CPLANE1: variants seen among roughly 807,000 people sequenced by gnomAD.
The protein encoded by CPLANE1 is ciliogenesis and planar polarity effector complex subunit 1, also known as ciliogenesis and planar polarity effector 1.
CPLANE1 carries 263 observed loss-of-function variants against 362.5 expected under a neutral mutation model. That is an observed-to-expected ratio of 0.73 (90% CI 0.66 to 0.80). The LOEUF (loss-of-function observed/expected upper bound fraction) is 0.80, where lower values mean the gene tolerates loss of function less well. Ranked by LOEUF, CPLANE1 falls within the 30% of genes least tolerant of loss-of-function variation. The pLI, the probability that CPLANE1 is intolerant of heterozygous loss-of-function variation, is 0.00. For missense variants in CPLANE1, 3,461 were observed against 3,793.4 expected, an observed-to-expected ratio of 0.91 and a Z score of 2.30; for synonymous variants, 1,212 against 1,302.6, an observed-to-expected ratio of 0.93 and a Z score of 1.50.
intron 16 of CPLANE1, chr5:37,210,158 G>T (rs1444443792): frequency 1.7e-6 from 2 of 1,150,576 alleles, no homozygotes; most frequent in Non-Finnish European, 2.6e-6. Context: ...TTCGGGAAAA[G>T]AGCACCCTTG....
Position 37,176,329 on chromosome 5 carries a change from A to G in CPLANE1, c.5901-343T>C, listed in dbSNP as rs1781143907. Among the ~76,000 whole-genome samples, 4 of 152,096 alleles carry G rather than the reference A, an allele frequency of 2.6e-5. 1 individual carries two copies. Among genetic ancestry groups the G allele is most frequent in the Admixed American group, 2.6e-4 (4 of 15,266 alleles). ...CACTATGCTCAGAACCCTAGAGCCC[A>G]TTGTCACATTTGAAACTGTAAAGAG... is the stretch of plus-strand genomic sequence containing the variant. On this transcript the variant is annotated intron_variant, in intron 30 of 52. Coordinates refer to ENST00000651892, the MANE Select transcript of CPLANE1 (RefSeq NM_001384732.1).
the CPLANE1 span, among the ~76,000 whole-genome samples, chr5:37,083,042 C>A: frequency 6.6e-6 from 1 of 152,176 alleles, no homozygotes; most frequent in East Asian, 1.9e-4. Flanking sequence ...ACCCAGGAGA[C>A]ACCCCAAATA....
chr5:37,125,356 T>C lies in CPLANE1; in HGVS notation c.8846A>G (p.Glu2949Gly). The change falls in exon 47 of 53, where the codon GAG becomes GGG. Residue 2949 changes from glutamate to glycine, a missense_variant. Transcript: ENST00000651892. ...TTTTCTTTTCATCCAGGCTTGAATC[T>C]CTCTTCTTTCCTTGTCAGTTCTTTG... ...HSQRTDKERR[E>G]IQAWMKRKRK... 6.2e-7 allele frequency: 1 copy of C among 1,613,916 alleles called. No homozygotes were observed. The highest frequency in any genetic ancestry group is 1.3e-5 in the African/African-American group (1 of 75,040).
the CPLANE1 span, among the ~76,000 whole-genome samples, chr5:37,087,601 C>T: frequency 2.6e-5 from 4 of 152,172 alleles, no homozygotes; most frequent in Non-Finnish European, 5.9e-5. Context: ...GGACTACAGG[C>T]GCCCACCACC....
chr5:37,141,019 A>G (rs1769558910), intron 44 of CPLANE1: 1 of 985,402 alleles, frequency 1.0e-6, no homozygotes, highest in Non-Finnish European at 1.2e-6. Context: ...TGGCAACACT[A>G]AACAACCACG....
rs1219639210 is a variant in CPLANE1, at chr5:37,138,805, C to A, written c.8707G>T (p.Ala2903Ser). Residue 2903 changes from alanine to serine, a missense_variant, in exon 46 of 53, where the codon GCA becomes TCA. Coordinates refer to ENST00000651892, the MANE Select transcript of CPLANE1 (RefSeq NM_001384732.1). Reference sequence around the variant, plus strand: ...ATTATAAGGTCATCAATAATGTCTGCAATATCAGTCAATCCAGTCATCTGG... The same window carrying A: ...ATTATAAGGTCATCAATAATGTCTGAAATATCAGTCAATCCAGTCATCTGG... ...PLQMTGLTDIADIIDDLIIKD... is the reference protein window; with the variant it reads ...PLQMTGLTDISDIIDDLIIKD... 1.2e-6 allele frequency: 2 copies of A among 1,612,486 alleles called. No homozygotes were observed. The highest frequency in any genetic ancestry group is 8.5e-7 in the Non-Finnish European group (1 of 1,179,278).
At chr5:37,117,557 C>T (rs1761385179) in intron 50 of CPLANE1, among the ~76,000 whole-genome samples, 1 of 152,104 alleles carries the variant, frequency 6.6e-6, no homozygotes, top group Non-Finnish European at 1.5e-5. Flanking sequence ...TCTTCAGACA[C>T]ACAGAAGTGA....
the CPLANE1 span, among the ~76,000 whole-genome samples, chr5:37,081,524 T>C: frequency 2.6e-5 from 4 of 152,020 alleles, no homozygotes; most frequent in African/African-American, 9.7e-5. Flanking sequence ...GGTTTCACCA[T>C]GTTGGCCAGG....
At chr5:37,176,621 C>A (rs1354386099) in intron 30 of CPLANE1, among the ~76,000 whole-genome samples, 2 of 152,072 alleles carry the variant, frequency 1.3e-5, no homozygotes, top group Non-Finnish European at 2.9e-5. Context: ...GGGTAATTTT[C>A]CGAAGGAATC....
chr5:37,187,332 A>G, intron 23 of CPLANE1, 82 bp downstream of exon 23: 1 of 1,180,112 alleles, frequency 8.5e-7, no homozygotes, highest in South Asian at 1.7e-5. Context: ...GAAAGGCAAC[A>G]TCATCCTTAA....
chr5:37,084,170 A>G, the CPLANE1 span, among the ~76,000 whole-genome samples: 1 of 152,244 alleles, frequency 6.6e-6, no homozygotes, highest in African/African-American at 2.4e-5. Context: ...TTCTGTATTC[A>G]GTGAAACTGA....
chr5:37,208,110 G>A (rs1036588131), intron 16 of CPLANE1, among the ~76,000 whole-genome samples: 14 of 152,046 alleles, frequency 9.2e-5, no homozygotes, highest in Non-Finnish European at 1.6e-4. Flanking sequence ...TCACCATGGC[G>A]GGCTAATTTT....
intron 15 of CPLANE1, among the ~76,000 whole-genome samples, chr5:37,220,500 A>G (rs979165322): frequency 2.0e-5 from 3 of 151,992 alleles, no homozygotes; most frequent in Non-Finnish European, 2.9e-5. Flanking sequence ...AAGTCAATCC[A>G]GATACTCTGC....
intron 18 of CPLANE1, among the ~76,000 whole-genome samples, chr5:37,204,998 A>G (rs1790302371): frequency 6.6e-6 from 1 of 152,104 alleles, no homozygotes; most frequent in Non-Finnish European, 1.5e-5. Flanking sequence ...CTCTACAAAC[A>G]CTACAAAAAT....
intron 8 of CPLANE1, among the ~76,000 whole-genome samples, chr5:37,235,262 A>G (rs569886414): frequency 6.1e-4 from 93 of 152,262 alleles, no homozygotes; most frequent in African/African-American, 2.1e-3. Context: ...AATACCTAGC[A>G]ATATATTTAA....
At chr5:37,121,576 T>A in intron 49 of CPLANE1, 41 bp downstream of exon 49, 2 of 1,588,380 alleles carry the variant, frequency 1.3e-6, no homozygotes, top group Non-Finnish European at 1.7e-6. Flanking sequence ...TTATCAGGCC[T>A]GACGTTATCT....
intron 47 of CPLANE1, 89 bp downstream of exon 47, chr5:37,125,155 A>C: frequency 1.4e-6 from 2 of 1,452,100 alleles, no homozygotes; most frequent in Non-Finnish European, 1.9e-6. Context: ...AAATGTATCC[A>C]AATTATGTTA....
chr5:37,178,822 C>T (rs533476950), intron 29 of CPLANE1, among the ~76,000 whole-genome samples: 1 of 152,050 alleles, frequency 6.6e-6, no homozygotes, highest in Non-Finnish European at 1.5e-5. Flanking sequence ...TGTAGTAGCA[C>T]ATTACAGCTC....
chr5:37,141,849 C>G, intron 44 of CPLANE1: 2 of 888,206 alleles, frequency 2.3e-6, no homozygotes, highest in Non-Finnish European at 2.7e-6. Flanking sequence ...TCAATCTCCT[C>G]AACTGTAAAA....
Sources: gnomAD v4.1 joint callset for allele counts (sites outside exome capture counted in the v4.1 genomes callset) on GRCh38, gnomAD v4.1.1 for gene constraint, MANE v1.5 for transcripts, NCBI Gene and HGNC (gene_info 2026-07-23, HGNC 2026-07-21) for gene names.